The following CUX1 variants were observed in gnomAD, a reference collection of about 807,000 sequenced individuals.
The protein encoded by CUX1 is protein CASP.
CUX1 carries 31 observed loss-of-function variants against 158.8 expected under a neutral mutation model. The observed-to-expected ratio is 0.20, with a 90% confidence interval of 0.15 to 0.26. The LOEUF (loss-of-function observed/expected upper bound fraction) is 0.26, where lower values mean the gene tolerates loss of function less well. CUX1 is among the 10% of genes least tolerant of loss of function. CUX1 has a pLI of 1.00. For synonymous variants in CUX1, 879 were observed against 862.1 expected, an observed-to-expected ratio of 1.02 and a Z score of -0.34; for missense variants, 1,589 against 2,014.6, an observed-to-expected ratio of 0.79 and a Z score of 4.04.
intron 1 of CUX1, among the ~76,000 whole-genome samples, chr7:101,830,715 C>A (rs918119662): frequency 6.6e-6 from 1 of 152,060 alleles, no homozygotes; most frequent in African/African-American, 2.4e-5. Flanking sequence ...CCTCAGCCTC[C>A]CAAAGTGCCG....
At chr7:102,205,023 G>A (rs958794191) in intron 19 of CUX1, 91 bp from the exon 20 acceptor site, 6 of 919,510 alleles carry the variant, frequency 6.5e-6, no homozygotes, top group African/African-American at 4.9e-5. Flanking sequence ...GGAGGAATGG[G>A]AAGCCTCCCC....
intron 4 of CUX1, among the ~76,000 whole-genome samples, chr7:102,096,142 C>T (rs1490447107): frequency 2.0e-5 from 3 of 152,364 alleles, no homozygotes; most frequent in African/African-American, 4.8e-5. Context: ...TGCCGTGCAG[C>T]GCGCGCTGCT....
exon 21 of CUX1, chr7:102,281,869 G>A (rs782690319): frequency 2.0e-5 from 33 of 1,613,436 alleles, no homozygotes; most frequent in Non-Finnish European, 2.3e-5. Flanking sequence ...ACAAGATGGC[G>A]CGCACCATCG....
intron 1 of CUX1, among the ~76,000 whole-genome samples, chr7:101,906,513 C>A (rs1460527718): frequency 1.3e-5 from 2 of 151,950 alleles, no homozygotes; most frequent in Admixed American, 1.3e-4. Context: ...TTCTGGGGAG[C>A]CCTGGGTGGT....
chr7:102,026,626 C>T (rs917210329), intron 2 of CUX1, among the ~76,000 whole-genome samples: 2 of 151,726 alleles, frequency 1.3e-5, no homozygotes, highest in African/African-American at 4.8e-5. Flanking sequence ...TTGAGAACAG[C>T]CTAGCCAACA....
At chr7:102,021,367 G>C (rs986688539) in intron 2 of CUX1, among the ~76,000 whole-genome samples, 14 of 152,084 alleles carry the variant, frequency 9.2e-5, no homozygotes, top group Admixed American at 7.9e-4. Flanking sequence ...GGATTACAGT[G>C]GCACAGTCAT....
chr7:101,904,826 C>T (rs1463681857), intron 1 of CUX1, among the ~76,000 whole-genome samples: 2 of 152,182 alleles, frequency 1.3e-5, no homozygotes, highest in South Asian at 2.1e-4. Context: ...GCCTTGCCCT[C>T]CCAAAGTGCT....
intron 4 of CUX1, among the ~76,000 whole-genome samples, chr7:102,071,633 A>G (rs1237054906): frequency 6.6e-6 from 1 of 152,154 alleles, no homozygotes; most frequent in Non-Finnish European, 1.5e-5. Context: ...AGCTACATTA[A>G]CAGAGCGAGG....
chr7:102,037,967 G>T (rs1236855759), intron 3 of CUX1, among the ~76,000 whole-genome samples: 1 of 151,356 alleles, frequency 6.6e-6, no homozygotes, highest in Non-Finnish European at 1.5e-5. Flanking sequence ...AGGCACGAGA[G>T]TTGCTTGAAC....
intron 20 of CUX1, among the ~76,000 whole-genome samples, chr7:102,207,820 C>T (rs1796108547): frequency 6.6e-6 from 1 of 152,238 alleles, no homozygotes; most frequent in Middle Eastern, 3.4e-3. Context: ...ACCAGGAAGA[C>T]TAGGAGGGCT....
At chr7:101,964,862 C>G (rs1311963803) in intron 2 of CUX1, among the ~76,000 whole-genome samples, 1 of 152,192 alleles carries the variant, frequency 6.6e-6, no homozygotes, top group Admixed American at 6.5e-5. Context: ...CAATGAAATA[C>G]GAGGGCTTGT....
chr7:102,215,851 A>G (rs1796994633), intron 20 of CUX1, among the ~76,000 whole-genome samples: 1 of 152,188 alleles, frequency 6.6e-6, no homozygotes, highest in South Asian at 2.1e-4. Context: ...CACTGGGCCA[A>G]CAGGCAGCAT....
downstream of CUX1, among the ~76,000 whole-genome samples, chr7:102,260,539 T>C (rs1790326107): frequency 6.9e-6 from 1 of 145,398 alleles, no homozygotes; most frequent in Non-Finnish European, 1.5e-5. Flanking sequence ...CCCAAGTAGC[T>C]GGGATTATAG....
chr7:102,082,336 G>C (rs562675725), intron 4 of CUX1, among the ~76,000 whole-genome samples: 3 of 146,688 alleles, frequency 2.0e-5, no homozygotes, highest in African/African-American at 7.3e-5. Flanking sequence ...AGACCAGCCT[G>C]GCCAACATGG....
intron 2 of CUX1, among the ~76,000 whole-genome samples, chr7:102,008,508 G>A (rs972924437): frequency 2.6e-5 from 4 of 152,088 alleles, no homozygotes; most frequent in Admixed American, 6.6e-5. Flanking sequence ...TATTTCGGTC[G>A]TGTGCGTGTC....
chr7:102,271,281 T>A (rs1045633307), intron 14 of CUX1, among the ~76,000 whole-genome samples: 1 of 152,208 alleles, frequency 6.6e-6, no homozygotes, highest in Non-Finnish European at 1.5e-5. Flanking sequence ...TCTGTCCCCA[T>A]GGTCCCAGCA....
intron 5 of CUX1, among the ~76,000 whole-genome samples, chr7:102,097,894 A>C (rs782800133): frequency 1.6e-4 from 25 of 152,240 alleles, no homozygotes; most frequent in Non-Finnish European, 1.5e-4. Context: ...ATTGCTGTGG[A>C]TACATTAAGG....
intron 2 of CUX1, among the ~76,000 whole-genome samples, chr7:101,958,245 C>G (rs1810005454): frequency 6.6e-6 from 1 of 152,120 alleles, no homozygotes; most frequent in Non-Finnish European, 1.5e-5. Context: ...ACAGCGTTGA[C>G]ATCTGGTGTG....
intron 3 of CUX1, among the ~76,000 whole-genome samples, chr7:102,028,764 G>A (rs1055297886): frequency 1.3e-5 from 2 of 152,220 alleles, no homozygotes. Flanking sequence ...CCATAGAGGG[G>A]ACTGGGCTCC....
Sources: gnomAD v4.1 joint callset for allele counts (sites outside exome capture counted in the v4.1 genomes callset) on GRCh38, gnomAD v4.1.1 for gene constraint, MANE v1.5 for transcripts, NCBI Gene and HGNC (gene_info 2026-07-23, HGNC 2026-07-21) for gene names.